ZBTB20: variants seen among roughly 807,000 people sequenced by gnomAD.
ZBTB20 encodes the protein zinc finger and BTB domain-containing protein 20.
Under a neutral mutation model 56.9 loss-of-function variants are expected in ZBTB20, and 9 were observed. The observed-to-expected ratio is 0.16, with a 90% confidence interval of 0.10 to 0.28. The LOEUF is 0.28. Ranked by LOEUF, ZBTB20 falls within the 10% of genes least tolerant of loss-of-function variation. The pLI, the probability that ZBTB20 is intolerant of heterozygous loss-of-function variation, is 1.00. For synonymous variants in ZBTB20, 417 were observed against 420.7 expected (o/e 0.99, Z 0.11); for missense variants, 655 against 1,003.0 (o/e 0.65, Z 4.69).
At chr3:114,594,115 C>A (rs2056082979) in intron 6 of ZBTB20, among the ~76,000 whole-genome samples, 1 of 152,028 alleles carries the variant, frequency 6.6e-6, no homozygotes, top group South Asian at 2.1e-4. Context: ...GCTAGGATTT[C>A]TAAAGAAGAA....
chr3:114,681,602 C>G (rs2061977594), intron 6 of ZBTB20, among the ~76,000 whole-genome samples: 1 of 152,202 alleles, frequency 6.6e-6, no homozygotes, highest in South Asian at 2.1e-4. Flanking sequence ...CAGTTAAAAT[C>G]AATGTGGATT....
At chr3:114,914,798 A>G (rs2107726061) in intron 3 of ZBTB20, among the ~76,000 whole-genome samples, 2 of 151,848 alleles carry the variant, frequency 1.3e-5, no homozygotes, top group South Asian at 4.2e-4. Context: ...ATCTTAACAA[A>G]TGTTTTTTTC....
At chr3:114,735,145 T>C (rs1319393642) in intron 5 of ZBTB20, among the ~76,000 whole-genome samples, 2 of 152,128 alleles carry the variant, frequency 1.3e-5, no homozygotes, top group African/African-American at 4.8e-5. Context: ...TTTTTATTCC[T>C]TTGTATATTT....
chr3:114,835,170 G>C (rs1212572596), intron 4 of ZBTB20, among the ~76,000 whole-genome samples: 1 of 152,130 alleles, frequency 6.6e-6, no homozygotes, highest in East Asian at 1.9e-4. Context: ...CTTTTGTAAA[G>C]TCAATTTTCT....
At chr3:114,352,487 T>C (rs1394367222) in intron 10 of ZBTB20, among the ~76,000 whole-genome samples, 2 of 152,188 alleles carry the variant, frequency 1.3e-5, no homozygotes, top group Non-Finnish European at 2.9e-5. Flanking sequence ...CAACCCAGAC[T>C]AAGATATCTA....
chr3:114,489,600 T>C (rs916128880), intron 7 of ZBTB20, among the ~76,000 whole-genome samples: 1 of 152,152 alleles, frequency 6.6e-6, no homozygotes, highest in African/African-American at 2.4e-5. Flanking sequence ...GAGAAGACAC[T>C]AGAAGGTGAT....
At chr3:115,027,619 G>A (rs1475036158) in intron 2 of ZBTB20, 1 of 150,758 alleles carries the variant, frequency 6.6e-6, no homozygotes, top group East Asian at 1.9e-4. Context: ...AAAATATTCT[G>A]TAAATAATTA....
chr3:114,384,718 A>C (rs1455748538), intron 8 of ZBTB20, among the ~76,000 whole-genome samples: 1 of 152,228 alleles, frequency 6.6e-6, no homozygotes, highest in Non-Finnish European at 1.5e-5. Flanking sequence ...CCCAGCAAGA[A>C]GTTTTAGGCT....
intron 6 of ZBTB20, among the ~76,000 whole-genome samples, chr3:114,516,544 T>C (rs2046015167): frequency 6.6e-6 from 1 of 152,212 alleles, no homozygotes; most frequent in Non-Finnish European, 1.5e-5. Context: ...TATGGGTTGA[T>C]TATGTTCCCT....
intron 2 of ZBTB20, among the ~76,000 whole-genome samples, chr3:114,978,502 G>A (rs185220838): frequency 2.6e-5 from 4 of 151,584 alleles, no homozygotes; most frequent in Admixed American, 1.3e-4. Context: ...GACATGGCAA[G>A]TGAAAATATA....
At chr3:114,583,205 T>A (rs80142482) in intron 6 of ZBTB20, among the ~76,000 whole-genome samples, 4,371 of 152,274 alleles carry the variant, frequency 0.029, 217 homozygotes, top group African/African-American at 0.098. Flanking sequence ...TTCTCTCACA[T>A]TGTGGAAGAA....
intron 3 of ZBTB20, among the ~76,000 whole-genome samples, chr3:114,936,858 A>T (rs981383865): frequency 2.0e-5 from 3 of 152,160 alleles, no homozygotes; most frequent in African/African-American, 7.2e-5. Context: ...TGAATTGGGT[A>T]TGTGAGATAA....
At chr3:114,538,047 C>T (rs1002464182) in intron 6 of ZBTB20, among the ~76,000 whole-genome samples, 4 of 151,920 alleles carry the variant, frequency 2.6e-5, no homozygotes, top group African/African-American at 4.8e-5. Context: ...CAGGTTGATA[C>T]GTGCAGCAAA....
At chr3:114,361,613 T>C (rs2081895001) in intron 10 of ZBTB20, among the ~76,000 whole-genome samples, 1 of 152,212 alleles carries the variant, frequency 6.6e-6, no homozygotes, top group African/African-American at 2.4e-5. Context: ...ACAAAGAGTT[T>C]TCTTTCCTAA....
At chr3:114,801,330 GA>G (rs779994547) in intron 4 of ZBTB20, among the ~76,000 whole-genome samples, 156 bp from the exon 5 acceptor site, 88 of 66,992 alleles carry the variant, frequency 1.3e-3, no homozygotes, top group Middle Eastern at 9.8e-3. Flanking sequence ...TTCTGTTAAG[GA>G]AAAAAAAAAA....
intron 1 of ZBTB20, chr3:115,100,411 TAA>T (rs1048628936): frequency 3.2e-5 from 4 of 124,282 alleles, no homozygotes; most frequent in African/African-American, 1.2e-4. Context: ...AGCAAGCGAG[TAA>T]GAGAGAGAGA....
At chr3:114,421,690 T>A (rs11928677) in intron 7 of ZBTB20, among the ~76,000 whole-genome samples, 1 of 152,084 alleles carries the variant, frequency 6.6e-6, no homozygotes, top group African/African-American at 2.4e-5. Flanking sequence ...AACCTAGCCA[T>A]AAAAATGTAC....
intron 4 of ZBTB20, among the ~76,000 whole-genome samples, chr3:114,844,665 T>C (rs2074597840): frequency 6.6e-6 from 1 of 151,286 alleles, no homozygotes; most frequent in Non-Finnish European, 1.5e-5. Flanking sequence ...TGTACCATTT[T>C]ACTTTACTGC....
chr3:114,494,627 A>G (rs1239212793), intron 7 of ZBTB20, among the ~76,000 whole-genome samples: 1 of 152,196 alleles, frequency 6.6e-6, no homozygotes, highest in Admixed American at 6.5e-5. Context: ...TAAGCACAGG[A>G]GTTTAACCTC....
Sources: gnomAD v4.1 joint callset for allele counts (sites outside exome capture counted in the v4.1 genomes callset) on GRCh38, gnomAD v4.1.1 for gene constraint, MANE v1.5 for transcripts, NCBI Gene and HGNC (gene_info 2026-07-23, HGNC 2026-07-21) for gene names.